Variants in NKAIN2 observed in about 807,000 individuals in gnomAD.
NKAIN2 encodes the protein sodium/potassium transporting ATPase interacting 2.
A neutral mutation model predicts 32.6 loss-of-function variants in NKAIN2; 14 were observed. That is an observed-to-expected ratio of 0.43 (90% CI 0.28 to 0.67). The LOEUF is 0.67. Ranked by LOEUF, NKAIN2 falls within the 30% of genes least tolerant of loss-of-function variation. NKAIN2 has a pLI of 0.17. For missense variants in NKAIN2, 198 were observed against 258.3 expected, an observed-to-expected ratio of 0.77 and a Z score of 1.60; for synonymous variants, 80 against 87.2, an observed-to-expected ratio of 0.92 and a Z score of 0.46.
intron 2 of NKAIN2, among the ~76,000 whole-genome samples, chr6:124,340,987 GT>G (rs1480953436): frequency 6.6e-6 from 1 of 151,882 alleles, no homozygotes; most frequent in African/African-American, 2.4e-5. Context: ...AATACCTTTG[GT>G]ATACTGTTTT....
At chr6:123,858,025 T>C (rs781306234) in intron 1 of NKAIN2, among the ~76,000 whole-genome samples, 1 of 152,182 alleles carries the variant, frequency 6.6e-6, no homozygotes, top group African/African-American at 2.4e-5. Flanking sequence ...TAGGGAGATA[T>C]GAAACTGATA....
intron 1 of NKAIN2, among the ~76,000 whole-genome samples, chr6:123,907,686 C>T (rs1774954935): frequency 6.6e-6 from 1 of 152,054 alleles, no homozygotes; most frequent in Non-Finnish European, 1.5e-5. Flanking sequence ...GCCTCTCACC[C>T]CCCACTGCTG....
intron 3 of NKAIN2, among the ~76,000 whole-genome samples, chr6:124,468,019 GGTT>G (rs1776830963): frequency 6.6e-6 from 1 of 151,946 alleles, no homozygotes; most frequent in Non-Finnish European, 1.5e-5. Context: ...ATTTATACTT[GGTT>G]GAAGTGAATA....
intron 3 of NKAIN2, among the ~76,000 whole-genome samples, chr6:124,653,886 G>A (rs938190434): frequency 5.9e-5 from 9 of 152,186 alleles, no homozygotes; most frequent in South Asian, 4.1e-4. Context: ...ATTTAAAAAT[G>A]AGCCAAAGAT....
chr6:124,402,208 A>C (rs332607), intron 3 of NKAIN2, among the ~76,000 whole-genome samples: 1 of 151,942 alleles, frequency 6.6e-6, no homozygotes, highest in African/African-American at 2.4e-5. Context: ...CACTGCTGTT[A>C]AGAAACCTGG....
chr6:124,436,039 A>C (rs1401621808), intron 3 of NKAIN2, among the ~76,000 whole-genome samples: 1 of 152,204 alleles, frequency 6.6e-6, no homozygotes, highest in African/African-American at 2.4e-5. Context: ...CCCAATATAG[A>C]GAATTAAATG....
At chr6:123,900,295 C>T (rs1774497878) in intron 1 of NKAIN2, among the ~76,000 whole-genome samples, 1 of 151,854 alleles carries the variant, frequency 6.6e-6, no homozygotes. Flanking sequence ...CATGGTGAAA[C>T]CCCGTCTCTA....
At chr6:124,254,802 C>T (rs759588457) in intron 1 of NKAIN2, among the ~76,000 whole-genome samples, 7 of 152,140 alleles carry the variant, frequency 4.6e-5, no homozygotes, top group Non-Finnish European at 8.8e-5. Context: ...GCTTTAACAA[C>T]AGCAACAAAA....
intron 4 of NKAIN2, among the ~76,000 whole-genome samples, chr6:124,668,239 G>A (rs1328970091): frequency 2.0e-5 from 3 of 152,010 alleles, no homozygotes; most frequent in Non-Finnish European, 4.4e-5. Context: ...TGATTATTTT[G>A]GTTAGTGCTA....
rs1775290891 is a variant in NKAIN2 at position 123,850,408 on chromosome 6, A to G, written c.54+46154A>G. Reference sequence around the variant, plus strand: ...CACGTATATATTTTTTTCCCCTCCAAGCTAAGGGCTACTGGTGGGTCTACC... The same window carrying G: ...CACGTATATATTTTTTTCCCCTCCAGGCTAAGGGCTACTGGTGGGTCTACC... On this transcript the variant is annotated intron_variant, in intron 1 of 6. Coordinates refer to ENST00000368417, the MANE Select transcript of NKAIN2 (RefSeq NM_001040214.3). 4.0e-5 allele frequency among the ~76,000 whole-genome samples: 6 copies of G among 151,238 alleles called. No homozygotes were observed. In the South Asian group the frequency reaches 1.3e-3, roughly 32 times the overall value.
chr6:124,560,141 T>C (rs1452764400), intron 3 of NKAIN2, among the ~76,000 whole-genome samples: 1 of 152,168 alleles, frequency 6.6e-6, no homozygotes, highest in East Asian at 1.9e-4. Flanking sequence ...TCATTTTGAC[T>C]TGTAGTTCCC....
intron 2 of NKAIN2, among the ~76,000 whole-genome samples, chr6:124,322,127 A>T (rs143893851): frequency 2.1e-4 from 32 of 152,290 alleles, no homozygotes; most frequent in African/African-American, 7.0e-4. Flanking sequence ...GCACTAAAAA[A>T]CTTTGTAAAC....
At chr6:124,107,225 C>T (rs374002023) in intron 1 of NKAIN2, among the ~76,000 whole-genome samples, 3 of 152,082 alleles carry the variant, frequency 2.0e-5, no homozygotes, top group East Asian at 1.9e-4. Context: ...AGGCCGTACC[C>T]GCAGAGCTTT....
At chr6:124,336,207 T>A (rs1198014578) in intron 2 of NKAIN2, among the ~76,000 whole-genome samples, 1 of 152,192 alleles carries the variant, frequency 6.6e-6, no homozygotes, top group Non-Finnish European at 1.5e-5. Context: ...CTCCAGGAGT[T>A]TAGAGGAACA....
At chr6:124,217,532 T>C (rs1337713757) in intron 1 of NKAIN2, among the ~76,000 whole-genome samples, 3 of 152,126 alleles carry the variant, frequency 2.0e-5, no homozygotes, top group African/African-American at 7.2e-5. Context: ...TTTTATGTCA[T>C]TGATACAAAG....
At chr6:124,181,122 G>T (rs1318937551) in intron 1 of NKAIN2, among the ~76,000 whole-genome samples, 2 of 152,114 alleles carry the variant, frequency 1.3e-5, no homozygotes, top group Non-Finnish European at 2.9e-5. Context: ...GTACCTGCAG[G>T]CTCAACACCA....
At chr6:124,124,911 A>G (rs918841889) in intron 1 of NKAIN2, among the ~76,000 whole-genome samples, 6 of 152,174 alleles carry the variant, frequency 3.9e-5, no homozygotes, top group African/African-American at 7.2e-5. Flanking sequence ...AATATTGTAG[A>G]GTCCATTTCT....
intron 3 of NKAIN2, among the ~76,000 whole-genome samples, chr6:124,614,950 C>T (rs1030320558): frequency 3.9e-5 from 6 of 152,220 alleles, no homozygotes; most frequent in African/African-American, 1.2e-4. Context: ...GTCAGGGCCT[C>T]TATCACACTC....
chr6:124,529,682 G>A (rs1328151433), intron 3 of NKAIN2, among the ~76,000 whole-genome samples: 2 of 152,130 alleles, frequency 1.3e-5, no homozygotes, highest in African/African-American at 4.8e-5. Context: ...AGCTGTGGTG[G>A]TCTTTGCAGA....
Sources: gnomAD v4.1 joint callset for allele counts (sites outside exome capture counted in the v4.1 genomes callset) on GRCh38, gnomAD v4.1.1 for gene constraint, MANE v1.5 for transcripts, NCBI Gene and HGNC (gene_info 2026-07-23, HGNC 2026-07-21) for gene names.